SLC30A4: variants seen among roughly 807,000 people sequenced by gnomAD.
SLC30A4 encodes solute carrier family 30 member 4, also known as probable proton-coupled zinc antiporter SLC30A4.
Under a neutral mutation model 41.7 loss-of-function variants are expected in SLC30A4, and 20 were observed. The ratio of observed to expected loss-of-function variants is 0.48; its 90% confidence interval spans 0.34 to 0.70. SLC30A4 has a LOEUF of 0.70. SLC30A4 is among the 30% of genes least tolerant of loss of function. The pLI is 0.01. For synonymous variants in SLC30A4, 181 were observed against 195.9 expected (o/e 0.92, Z 0.64); for missense variants, 441 against 529.3 (o/e 0.83, Z 1.64).
chr15:45,505,943 G>A (rs919486147), intron 3 of SLC30A4, among the ~76,000 whole-genome samples: 5 of 152,130 alleles, frequency 3.3e-5, no homozygotes, highest in African/African-American at 1.2e-4. Context: ...ACTTTGGGAG[G>A]CCGAGGCGGG....
chr15:45,509,226 G>C (rs1026739577), intron 3 of SLC30A4, among the ~76,000 whole-genome samples: 1 of 151,608 alleles, frequency 6.6e-6, no homozygotes, highest in Non-Finnish European at 1.5e-5. Context: ...AGAAGCAGTG[G>C]AGTTTCCTTT....
chr15:45,492,600 A>T (rs1194513521), intron 3 of SLC30A4, among the ~76,000 whole-genome samples: 2 of 152,178 alleles, frequency 1.3e-5, no homozygotes, highest in Non-Finnish European at 2.9e-5. Flanking sequence ...AGTGATTAGT[A>T]GGGACCTTGT....
chr15:45,495,103 G>C (rs964623584), intron 3 of SLC30A4, among the ~76,000 whole-genome samples: 5 of 150,762 alleles, frequency 3.3e-5, no homozygotes, highest in African/African-American at 1.2e-4. Flanking sequence ...CTGCAACAGT[G>C]CCACTACACT....
rs1171817736 is a variant in SLC30A4 at position 45,487,521 on chromosome 15, T to A, written c.1000+6A>T. ...AACTCATAATGAGGATATAGTGAGA[T>A]CTTACCTTCTAGTATTATAACTACT... is the stretch of plus-strand genomic sequence containing the variant. On this transcript the variant is annotated splice_donor_region_variant and intron_variant, in intron 6 of 7. Coordinates refer to ENST00000261867, the MANE Select transcript of SLC30A4 (RefSeq NM_013309.6). 1.5e-6 allele frequency: 2 copies of A among 1,302,162 alleles called. No individual in the cohort carries two copies. Among genetic ancestry groups the A allele is most frequent in the Admixed American group, 3.4e-5 (2 of 59,284 alleles). The allele number at this position is 1,302,162 out of a possible 1,614,324, so 80.7% of individuals were successfully genotyped here.
chr15:45,506,065 G>A (rs959188290), intron 3 of SLC30A4, among the ~76,000 whole-genome samples: 2 of 151,942 alleles, frequency 1.3e-5, no homozygotes, highest in Non-Finnish European at 2.9e-5. Flanking sequence ...AAGTTAGCCA[G>A]GCATGGTGGT....
At chr15:45,491,687 T>C (rs1891812721) in intron 3 of SLC30A4, among the ~76,000 whole-genome samples, 1 of 152,036 alleles carries the variant, frequency 6.6e-6, no homozygotes, top group Admixed American at 6.6e-5. Flanking sequence ...TACAAGAGGA[T>C]CAAGACTCTA....
At chr15:45,503,789 A>C (rs1200584288) in intron 3 of SLC30A4, among the ~76,000 whole-genome samples, 2 of 152,090 alleles carry the variant, frequency 1.3e-5, no homozygotes, top group Non-Finnish European at 2.9e-5. Context: ...TCTACTAAAA[A>C]GACAAAATTA....
intron 3 of SLC30A4, among the ~76,000 whole-genome samples, chr15:45,503,412 T>C (rs1287464663): frequency 1.3e-5 from 2 of 150,224 alleles, no homozygotes; most frequent in Non-Finnish European, 3.0e-5. Flanking sequence ...AGGTCAGGAG[T>C]TCGAGACCAG....
At chr15:45,520,541 C>T (rs952000657) in intron 2 of SLC30A4, among the ~76,000 whole-genome samples, 3 of 152,150 alleles carry the variant, frequency 2.0e-5, no homozygotes, top group African/African-American at 7.2e-5. Context: ...TCCCAAAGTG[C>T]TGGGATTAAA....
rs1422520163 is a variant in SLC30A4, at chr15:45,484,344, A to G, written c.*819T>C. 6.6e-6 allele frequency: 1 copy of G among 152,254 alleles called. No homozygotes were observed. Among genetic ancestry groups the G allele is most frequent in the Non-Finnish European group, 1.5e-5 (1 of 68,046 alleles). 9.4% of individuals were successfully genotyped at this position (152,254 alleles called of 1,614,324 possible). A position where few individuals can be genotyped will look rare whatever the true frequency, so the allele number is the denominator to read the frequency against. On this transcript the variant is annotated 3_prime_UTR_variant, in exon 8 of 8. Transcript: ENST00000261867. The stretch of plus-strand genomic sequence containing the variant: ...ATGATAAAAGTGATGTCGGGAAGAC[A>G]TAAACCTGAAACTCCAACCCCCATC...
intron 2 of SLC30A4, chr15:45,512,240 G>A (rs540741478): frequency 3.3e-4 from 50 of 152,264 alleles, no homozygotes; most frequent in African/African-American, 1.2e-3. Context: ...AAGCTTTTAT[G>A]TGTATCAGAA....
intron 3 of SLC30A4, among the ~76,000 whole-genome samples, chr15:45,496,309 G>A (rs1016182037): frequency 7.9e-4 from 120 of 152,080 alleles, no homozygotes; most frequent in Non-Finnish European, 1.0e-3. Context: ...GCAAGATTCC[G>A]CTCCCTCCCA....
At chr15:45,488,074 C>A (rs558983894) in intron 5 of SLC30A4, among the ~76,000 whole-genome samples, 27 of 152,038 alleles carry the variant, frequency 1.8e-4, no homozygotes, top group African/African-American at 6.0e-4. Context: ...GGCACAGCCA[C>A]TGTACTCAGC....
In SLC30A4 at chr15:45,512,748, G is replaced by C. The variant is rs185614037; in HGVS notation, c.392-1464C>G. Among the ~76,000 whole-genome samples, 452 of 152,258 alleles carry C rather than the reference G, an allele frequency of 3.0e-3. 4 individuals carry two copies. Among genetic ancestry groups the C allele is most frequent in the Non-Finnish European group, 4.1e-3 (279 of 68,026 alleles). On this transcript the variant is annotated intron_variant, in intron 2 of 7. Transcript: ENST00000261867. ...TTCCTTAAAGCAATTCTGTCCAATA[G>C]AACTTTGAGATGATAGAAATGTTCT...
At chr15:45,487,897 G>A (rs1017964421) in intron 5 of SLC30A4, among the ~76,000 whole-genome samples, 11 of 149,440 alleles carry the variant, frequency 7.4e-5, no homozygotes, top group African/African-American at 2.7e-4. Flanking sequence ...GAATATCAGA[G>A]CTGGAAAGAA....
intron 3 of SLC30A4, among the ~76,000 whole-genome samples, chr15:45,492,829 C>G (rs1351975568): frequency 1.3e-5 from 2 of 152,090 alleles, no homozygotes; most frequent in Non-Finnish European, 2.9e-5. Flanking sequence ...AACTAGTTAT[C>G]TTGGGTGAGG....
At position 45,511,258 on chromosome 15, in the gene SLC30A4, T is replaced by C. The variant is rs747702922; in HGVS notation, c.418A>G (p.Ile140Val). The C allele has an allele frequency of 1.4e-5, 23 of 1,609,350 alleles. No homozygotes were observed. The highest frequency in any genetic ancestry group is 1.7e-5 in the Admixed American group (1 of 59,442). Residue 140 changes from isoleucine to valine, a missense_variant, in exon 3 of 8, where the codon ATC (isoleucine) becomes GTC (valine). Around this residue, in one of 3 missense-constraint regions of SLC30A4, gnomAD observed 312 missense variants for 341.9 expected, o/e 0.91. Coordinates refer to ENST00000261867, the MANE Select transcript of SLC30A4 (RefSeq NM_013309.6). ...VGGYIANSLAIMTDALHMLTD... is the reference protein window; with the variant it reads ...VGGYIANSLAVMTDALHMLTD... ...AACATATGAAGTGCATCTGTCATGA[T>C]TGCTAGGCTATTTGCAATGTATCCA... is the stretch of plus-strand genomic sequence containing the variant.
intron 2 of SLC30A4, among the ~76,000 whole-genome samples, chr15:45,520,312 C>A (rs140389319): frequency 2.1e-4 from 32 of 151,952 alleles, no homozygotes; most frequent in African/African-American, 7.2e-4. Flanking sequence ...CCCTGTTGCC[C>A]AGGCTGGAGT....
chr15:45,497,489 C>G (rs1006044677), intron 3 of SLC30A4, among the ~76,000 whole-genome samples: 1 of 152,126 alleles, frequency 6.6e-6, no homozygotes, highest in Non-Finnish European at 1.5e-5. Flanking sequence ...TGTGTATTTG[C>G]TACAAGATCA....
Sources: gnomAD v4.1 joint callset for allele counts (sites outside exome capture counted in the v4.1 genomes callset) on GRCh38, gnomAD v4.1.1 for gene constraint, gnomAD v4.1.1 regional missense constraint, MANE v1.5 for transcripts, NCBI Gene and HGNC (gene_info 2026-07-23, HGNC 2026-07-21) for gene names.